Variants in ARID4B observed in about 807,000 individuals in gnomAD.
ARID4B encodes the protein AT-rich interaction domain 4B, also known as AT-rich interactive domain-containing protein 4B.
Under a neutral mutation model 147.5 loss-of-function variants are expected in ARID4B, and 26 were observed. The ratio of observed to expected loss-of-function variants is 0.18; its 90% CI spans 0.13 to 0.24. ARID4B has a LOEUF of 0.24. Ranked by LOEUF, ARID4B falls within the 10% of genes least tolerant of loss-of-function variation. The probability of loss-of-function intolerance (pLI) is 1.00; values close to 1 mark genes in which losing one functional copy is unlikely to be tolerated. For synonymous variants in ARID4B, 512 were observed against 507.9 expected, an observed-to-expected ratio of 1.01 and a Z score of -0.11; for missense variants, 1,179 against 1,511.5, an observed-to-expected ratio of 0.78 and a Z score of 3.65.
chr1:235,261,025 T>C (rs988707232), intron 2 of ARID4B, among the ~76,000 whole-genome samples: 1 of 152,194 alleles, frequency 6.6e-6, no homozygotes, highest in Non-Finnish European at 1.5e-5. Flanking sequence ...CTCACAAGTA[T>C]ACCCCTCTAG....
intron 9 of ARID4B, among the ~76,000 whole-genome samples, chr1:235,232,363 T>C (rs1668291927): frequency 6.6e-6 from 1 of 151,858 alleles, no homozygotes; most frequent in South Asian, 2.1e-4. Context: ...GAGGTTGCAG[T>C]GAGCTGAGAT....
At chr1:235,231,367 T>C (rs1668223676) in intron 9 of ARID4B, among the ~76,000 whole-genome samples, 178 bp from the exon 10 acceptor site, 1 of 152,224 alleles carries the variant, frequency 6.6e-6, no homozygotes, top group African/African-American at 2.4e-5. Flanking sequence ...CAAGACAGGA[T>C]GTTAAAATAC....
chr1:235,191,279 G>A (rs1316586245), intron 19 of ARID4B, among the ~76,000 whole-genome samples: 2 of 148,634 alleles, frequency 1.3e-5, no homozygotes, highest in African/African-American at 5.0e-5. Flanking sequence ...ATGGAGTTTC[G>A]CTGTTGCTAC....
chr1:235,232,356 G>GTTGCAGTGAGCTGAGA (rs1193665512), intron 9 of ARID4B, among the ~76,000 whole-genome samples: 3 of 152,000 alleles, frequency 2.0e-5, no homozygotes, highest in Non-Finnish European at 2.9e-5. Flanking sequence ...GGAGGCGGAG[G>GTTGCAGTGAGCTGAGA]TTGCAGTGAG....
intron 3 of ARID4B, among the ~76,000 whole-genome samples, chr1:235,259,947 C>G (rs1670197443): frequency 1.3e-5 from 2 of 152,184 alleles, no homozygotes; most frequent in Admixed American, 1.3e-4. Context: ...CCCCATCCTC[C>G]TTCCCACCTA....
intron 10 of ARID4B, among the ~76,000 whole-genome samples, chr1:235,230,893 G>GTCTT (rs1668178021): frequency 1.3e-5 from 2 of 150,882 alleles, no homozygotes; most frequent in African/African-American, 4.9e-5. Flanking sequence ...ACTCCACCCT[G>GTCTT]GGCGACAGAG....
At chr1:235,173,742 TAAAAA>T (rs755815257) in intron 22 of ARID4B, among the ~76,000 whole-genome samples, 19 of 26,254 alleles carry the variant, frequency 7.2e-4, no homozygotes, top group Middle Eastern at 0.036. Flanking sequence ...CGTCTCTATT[TAAAAA>T]AAAAAAAAAA....
chr1:235,216,005 C>T (rs1418164599), intron 16 of ARID4B, among the ~76,000 whole-genome samples: 3 of 151,882 alleles, frequency 2.0e-5, no homozygotes, highest in Non-Finnish European at 4.4e-5. Flanking sequence ...ATTAATTATA[C>T]AGGCAACAAA....
In ARID4B at chr1:235,168,078, A is replaced by T; in HGVS notation, c.*447T>A. ...AGCCACCCTAAGGTGACTTGCTTTA[A>T]AAAACAATTACCTTGTACAAATGAA... On this transcript the variant is annotated 3_prime_UTR_variant, in exon 24 of 24. Transcript: ENST00000264183. 1 of 205,354 alleles carries T rather than the reference A, an allele frequency of 4.9e-6. No homozygotes were observed. Among genetic ancestry groups the T allele is most frequent in the East Asian group, 7.6e-5 (1 of 13,204 alleles). 12.7% of individuals were successfully genotyped at this position (205,354 alleles called of 1,614,324 possible). A position where few individuals can be genotyped will look rare whatever the true frequency, so the allele number is the denominator to read the frequency against.
intron 2 of ARID4B, among the ~76,000 whole-genome samples, chr1:235,265,344 C>T (rs1370926843): frequency 1.3e-5 from 2 of 150,602 alleles, no homozygotes; most frequent in Non-Finnish European, 3.0e-5. Flanking sequence ...CCAGCCCAGG[C>T]GACACTGTGA....
chr1:235,288,478 T>C (rs1249132256), intron 2 of ARID4B, among the ~76,000 whole-genome samples: 2 of 152,260 alleles, frequency 1.3e-5, no homozygotes, highest in Non-Finnish European at 1.5e-5. Flanking sequence ...TAACTGGTAC[T>C]ACATTTAATA....
chr1:235,174,961 C>T (rs1302795216), intron 22 of ARID4B, among the ~76,000 whole-genome samples: 1 of 152,112 alleles, frequency 6.6e-6, no homozygotes, highest in African/African-American at 2.4e-5. Flanking sequence ...AAAAAATTAG[C>T]TGGGTGTGGT....
At chr1:235,294,437 G>A (rs1672549241) in intron 2 of ARID4B, among the ~76,000 whole-genome samples, 1 of 112,786 alleles carries the variant, frequency 8.9e-6, no homozygotes, top group Non-Finnish European at 1.8e-5. Context: ...TTGAACCCAG[G>A]GGTTCAAGCA....
In ARID4B at chr1:235,255,267, A is replaced by AGATC. The variant is rs1553304359; in HGVS notation, c.274+392_274+393insGATC. Among the ~76,000 whole-genome samples the AGATC allele has an allele frequency of 2.0e-3, 273 of 137,208 alleles. 1 individual carries two copies. The highest frequency in any genetic ancestry group is 5.5e-3 in the East Asian group (26 of 4,762). The allele number at this position is 137,208 out of a possible 152,430, so 90.0% of individuals were successfully genotyped here. On this transcript the variant is annotated intron_variant, in intron 5 of 23. Coordinates refer to ENST00000264183, the MANE Select transcript of ARID4B (RefSeq NM_016374.6). ...GATAGATAGATAGATAGATAGATATATATCTCTCTCTCTCTCTCTCTATAT... is the reference window on the plus strand; with the variant it reads ...GATAGATAGATAGATAGATAGATATAGATCTATCTCTCTCTCTCTCTCTCTATAT...
intron 2 of ARID4B, among the ~76,000 whole-genome samples, chr1:235,275,320 T>G (rs1288949942): frequency 6.6e-6 from 1 of 152,228 alleles, no homozygotes; most frequent in African/African-American, 2.4e-5. Context: ...GCTATGAAGT[T>G]AAAGCTAGGT....
At position 235,268,344 on chromosome 1, in the gene ARID4B, A is replaced by AAT. The variant is rs139483700; in HGVS notation, c.7-7594_7-7593dup. On this transcript the variant is annotated intron_variant, in intron 2 of 23. Transcript: ENST00000264183. Reference sequence around the variant, plus strand: ...ATTTGGTTTGAATTCATGATTGTATAATATATATATATGTGTATATATACA... The same window carrying AAT: ...ATTTGGTTTGAATTCATGATTGTATAATATATATATATATGTGTATATATACA... Among the ~76,000 whole-genome samples, 320 of 147,754 alleles carry AAT rather than the reference A, an allele frequency of 2.2e-3. 2 individuals carry two copies. The highest frequency in any genetic ancestry group is 7.5e-3 in the African/African-American group (302 of 40,450).
intron 16 of ARID4B, among the ~76,000 whole-genome samples, chr1:235,216,181 C>T (rs1171206999): frequency 6.6e-6 from 1 of 151,928 alleles, no homozygotes; most frequent in African/African-American, 2.4e-5. Context: ...AACTATAACA[C>T]AAATTCCTCA....
chr1:235,234,368 A>G (rs1668430745), intron 9 of ARID4B, 45 bp downstream of exon 9: 1 of 1,210,582 alleles, frequency 8.3e-7, no homozygotes, highest in Admixed American at 1.9e-5. Flanking sequence ...AAATAACAGC[A>G]TATATTTATA....
At chr1:235,221,738 T>C in intron 13 of ARID4B, 76 bp from the exon 14 acceptor site, 2 of 646,850 alleles carry the variant, frequency 3.1e-6, no homozygotes, top group South Asian at 5.1e-5. Flanking sequence ...ACACAGTATA[T>C]ATGAGTATAT....
Sources: gnomAD v4.1 joint callset for allele counts (sites outside exome capture counted in the v4.1 genomes callset) on GRCh38, gnomAD v4.1.1 for gene constraint, MANE v1.5 for transcripts, NCBI Gene and HGNC (gene_info 2026-07-23, HGNC 2026-07-21) for gene names.